The following KRT5 variants were observed in gnomAD, a reference collection of about 807,000 sequenced individuals.
The protein encoded by KRT5 is keratin 5, also known as keratin, type II cytoskeletal 5.
Under a neutral mutation model 44.0 loss-of-function variants are expected in KRT5, and 17 were observed. The ratio of observed to expected loss-of-function variants is 0.39; its 90% CI spans 0.26 to 0.58. The LOEUF is 0.58. Ranked by LOEUF, KRT5 falls within the 20% of genes least tolerant of loss-of-function variation. The pLI is 0.61. For synonymous variants in KRT5, 329 were observed against 312.8 expected (o/e 1.05, Z -0.55); for missense variants, 737 against 785.5 (o/e 0.94, Z 0.74).
Position 52,515,087 on chromosome 12 carries a change from C to T in KRT5, c.1628G>A (p.Gly543Asp). Residue 543 changes from glycine to aspartate, a missense_variant, in exon 9 of 9, where the codon GGT (glycine) becomes GAT (aspartate). Gly to Asp is a moderately conservative substitution (Grantham distance 94, BLOSUM62 -1). Transcript: ENST00000252242. ...AGAGCCCCCCACACTGAGCCCACCA[C>T]CTAGGCCGACACCCCCACTGCTGCT... ...YSSSSGGVGL[G>D]GGLSVGGSGF... The T allele has an allele frequency of 1.2e-6, 2 of 1,612,768 alleles. No individual in the cohort carries two copies. Among genetic ancestry groups the T allele is most frequent in the South Asian group, 2.2e-5 (2 of 90,954 alleles).
At chr12:52,515,676 T>A in intron 8 of KRT5, 122 bp downstream of exon 8, 1 of 819,202 alleles carries the variant, frequency 1.2e-6, no homozygotes, top group Non-Finnish European at 2.1e-6. Flanking sequence ...CTAAGTGTAT[T>A]ATTATAAATA....
chr12:52,516,471 G>A, intron 7 of KRT5, 166 bp downstream of exon 7: 6 of 727,962 alleles, frequency 8.2e-6, no homozygotes, highest in Non-Finnish European at 1.4e-5. Flanking sequence ...CCAGAAAAGT[G>A]AGTTGAGGTC....
At chr12:52,516,150 G>A (rs1350808054) in intron 7 of KRT5, 3 of 493,370 alleles carry the variant, frequency 6.1e-6, no homozygotes, top group Non-Finnish European at 1.1e-5. Context: ...CATTCTGTGA[G>A]AGAACTTGGC....
intron 2 of KRT5, chr12:52,518,374 A>G: frequency 1.5e-6 from 1 of 677,088 alleles, no homozygotes; most frequent in South Asian, 1.6e-5. Flanking sequence ...CCATATAATA[A>G]TTCTATTATT....
chr12:52,515,439 G>T (rs1445428518), intron 8 of KRT5, 199 bp from the exon 9 acceptor site: 1 of 710,068 alleles, frequency 1.4e-6, no homozygotes, highest in Non-Finnish European at 2.4e-6. Flanking sequence ...TAGGTACTGA[G>T]AGGAGCTAGG....
intron 8 of KRT5, 78 bp from the exon 9 acceptor site, chr12:52,515,318 G>C (rs745323721): frequency 5.3e-5 from 84 of 1,587,648 alleles, no homozygotes; most frequent in Middle Eastern, 1.7e-4. Flanking sequence ...TGATCTGCTG[G>C]TGTTGGAGCA....
At position 52,517,698 on chromosome 12, in the gene KRT5, G is replaced by A. The variant is rs59464425; in HGVS notation, c.984C>T (p.Asp328=). The A allele has an allele frequency of 6.2e-7, 1 of 1,614,086 alleles. No individual in the cohort carries two copies. The highest frequency in any genetic ancestry group is 1.3e-5 in the African/African-American group (1 of 74,922). ...TATCCAGGTCCAGGTTGCGGTTGTT[G>A]TCCATGGAGAGGACCACTGAGGTGT... The part of the protein sequence containing the change: ...VSDTSVVLSM[D]NNRNLDLDSI... The change falls in exon 5 of 9, where the codon GAC becomes GAT. Residue 328 remains aspartate (D), a synonymous_variant. Transcript: ENST00000252242.
At chr12:52,517,059 C>A (rs778495257) in intron 6 of KRT5, 48 bp downstream of exon 6, 8 of 1,611,506 alleles carry the variant, frequency 5.0e-6, no homozygotes, top group Non-Finnish European at 5.9e-6. Flanking sequence ...GTAGGTGTTT[C>A]TTTTAGAACT....
At chr12:52,515,916 T>A in intron 7 of KRT5, 84 bp from the exon 8 acceptor site, 1 of 1,152,968 alleles carries the variant, frequency 8.7e-7, no homozygotes. Flanking sequence ...ATCCTCATGA[T>A]TCGAGTTCAT....
intron 5 of KRT5, 108 bp downstream of exon 5, chr12:52,517,482 A>G (rs937136202): frequency 3.0e-5 from 38 of 1,255,250 alleles, no homozygotes; most frequent in Non-Finnish European, 3.9e-5. Context: ...AAAGCATCCC[A>G]ATGGGCTTCA....
intron 1 of KRT5, chr12:52,519,435 C>G: frequency 6.3e-6 from 4 of 632,152 alleles, no homozygotes; most frequent in South Asian, 1.9e-5. Context: ...AGGCTGCTGC[C>G]CATGCACTTG....
chr12:52,518,923 G>T, intron 2 of KRT5, 23 bp downstream of exon 2: 1 of 1,613,768 alleles, frequency 6.2e-7, no homozygotes, highest in Non-Finnish European at 8.5e-7. Context: ...CCTCCCCTGT[G>T]TCCACCCTCC....
At chr12:52,519,578 T>A in intron 1 of KRT5, 164 bp downstream of exon 1, 1 of 805,966 alleles carries the variant, frequency 1.2e-6, no homozygotes, top group Non-Finnish European at 2.1e-6. Context: ...GCTGCCAGTC[T>A]AATTCAGAAC....
At position 52,520,090 on chromosome 12, in the gene KRT5, C is replaced by T. The variant is rs1565594175; in HGVS notation, c.207G>A (p.Gly69=). 6.2e-7 allele frequency: 1 copy of T among 1,614,124 alleles called. No individual in the cohort carries two copies. Among genetic ancestry groups the T allele is most frequent in the Non-Finnish European group, 8.5e-7 (1 of 1,179,994 alleles). Residue 69 remains glycine, a synonymous_variant, in exon 1 of 9, where the codon GGG becomes GGA. Transcript: ENST00000252242. ...TGCTGATGGATATCCTCTTGGAGCC[C>T]CCCAGGTTGTAGAGGCTCCGGCTGC... is the stretch of plus-strand genomic sequence containing the variant. ...GYGSRSLYNL[G]GSKRISISTS... is the part of the protein sequence containing the mutation.
chr12:52,518,018 T>G, intron 3 of KRT5, 26 bp from the exon 4 acceptor site: 1 of 1,611,656 alleles, frequency 6.2e-7, no homozygotes, highest in South Asian at 1.1e-5. Flanking sequence ...TGATTGGCAC[T>G]GCACACACCG....
Position 52,515,809 on chromosome 12 carries a change from G to T in KRT5, c.1463C>A (p.Pro488Gln). 6.2e-7 allele frequency: 1 copy of T among 1,612,962 alleles called. No individual in the cohort carries two copies. ...TCAAAGCTACTTACAGATGTTGACTGGTCCAACTCCTTCTCCACTGAGTCT... is the reference window on the plus strand; with the variant it reads ...TCAAAGCTACTTACAGATGTTGACTTGTCCAACTCCTTCTCCACTGAGTCT... ...ECRLSGEGVG[P>Q]VNISVVTSSV... Residue 488 changes from proline to glutamine, a missense_variant, in exon 8 of 9, where the codon CCA becomes CAA. Pro to Gln is a moderately conservative substitution (Grantham distance 76). Around this residue, in one of 5 missense-constraint regions of KRT5, gnomAD observed 344 missense variants for 351.6 expected, o/e 0.98. Coordinates refer to ENST00000252242, the MANE Select transcript of KRT5 (RefSeq NM_000424.4).
chr12:52,515,889 CT>C, intron 7 of KRT5, 57 bp from the exon 8 acceptor site: 1 of 1,416,998 alleles, frequency 7.1e-7, no homozygotes, highest in South Asian at 1.1e-5. Flanking sequence ...CAGCATTAGT[CT>C]ATGTGGCTAA....
rs1938574709 is a variant in KRT5 at position 52,514,667 on chromosome 12, T to C, written c.*275A>G. On this transcript the variant is annotated 3_prime_UTR_variant, in exon 9 of 9. Transcript: ENST00000252242. The stretch of plus-strand genomic sequence containing the variant: ...TGGGGTGGGGATTCTGTTTTGATGA[T>C]TTAGATTTGGGAAAACTTTGGGTTC... 1 of 464,960 alleles carries C rather than the reference T, an allele frequency of 2.2e-6. No homozygotes were observed. The highest frequency in any genetic ancestry group is 3.8e-6 in the Non-Finnish European group (1 of 263,260). The allele number at this position is 464,960 out of a possible 1,614,324, so 28.8% of individuals were successfully genotyped here.
In KRT5 at chr12:52,514,683, C is replaced by A; in HGVS notation, c.*259G>T. 1 of 480,168 alleles carries A rather than the reference C, an allele frequency of 2.1e-6. No individual in the cohort carries two copies. The highest frequency in any genetic ancestry group is 3.7e-6 in the Non-Finnish European group (1 of 272,526). 29.7% of individuals were successfully genotyped at this position (480,168 alleles called of 1,614,324 possible). On this transcript the variant is annotated 3_prime_UTR_variant, in exon 9 of 9. Coordinates refer to ENST00000252242, the MANE Select transcript of KRT5 (RefSeq NM_000424.4). ...TTTTGATGATTTAGATTTGGGAAAA[C>A]TTTGGGTTCTCGTGTCAGCAGGGGC...
Sources: allele counts gnomAD v4.1 joint callset, GRCh38; gene constraint gnomAD v4.1.1; regional missense constraint gnomAD v4.1.1; transcripts MANE v1.5; gene names NCBI Gene and HGNC (gene_info 2026-07-23, HGNC 2026-07-21).